Variants in NUP205 observed in about 807,000 individuals in gnomAD.
The protein encoded by NUP205 is nucleoporin 205, also known as nuclear pore complex protein Nup205.
NUP205 carries 76 observed loss-of-function variants against 253.8 expected under a neutral mutation model. That is an observed-to-expected ratio of 0.30 (90% CI 0.25 to 0.36). NUP205 has a LOEUF of 0.36. Among genes scored for constraint, NUP205 ranks in the 10% least tolerant of loss-of-function variants. NUP205 has a pLI of 1.00. For missense variants in NUP205, 2,162 were observed against 2,425.5 expected (o/e 0.89, Z 2.28); for synonymous variants, 832 against 850.1 (o/e 0.98, Z 0.37).
intron 15 of NUP205, among the ~76,000 whole-genome samples, chr7:135,599,640 G>C (rs1370314662): frequency 6.6e-6 from 1 of 152,110 alleles, no homozygotes; most frequent in Admixed American, 6.6e-5. Flanking sequence ...AGTGTTTAGA[G>C]CATTAGTTAG....
rs1379845789 is a variant in NUP205 at position 135,648,508 on chromosome 7, G to C, written c.5991G>C (p.Gln1997His). 9 of 1,603,050 alleles carry C rather than the reference G, an allele frequency of 5.6e-6. No homozygotes were observed. Among genetic ancestry groups the C allele is most frequent in the Non-Finnish European group, 7.7e-6 (9 of 1,176,354 alleles). Residue 1997 changes from glutamine (Q) to histidine (H), a missense_variant, in exon 43 of 43, where the codon CAG becomes CAC. Around this residue, in one of 5 missense-constraint regions of NUP205, gnomAD observed 1,144 missense variants for 1,280.9 expected, o/e 0.89. Coordinates refer to ENST00000285968, the MANE Select transcript of NUP205 (RefSeq NM_015135.3). ...SKVRSRYSFI[Q>H]ALVRRIRGLL... is the part of the protein sequence containing the mutation. ...TTCGATCTCGATATAGTTTCATACA[G>C]GCTCTTGTCAGACGTATCCGTGGCC...
intron 1 of NUP205, among the ~76,000 whole-genome samples, chr7:135,560,704 A>G (rs147503098): frequency 1.1e-3 from 168 of 152,344 alleles, no homozygotes; most frequent in African/African-American, 3.8e-3. Context: ...TTGAGGACAT[A>G]CTAAGTGAAA....
rs755726886 is a variant in NUP205, at chr7:135,577,980, G to A, written c.833G>A (p.Cys278Tyr). Residue 278 changes from cysteine to tyrosine, a missense_variant, in exon 6 of 43, where the codon TGT becomes TAT. By Grantham distance (194) the Cys-to-Tyr change is radical. Transcript: ENST00000285968. ...NLALLMALLY[C>Y]FDISFIEQST... ...GCTCTTCTTATGGCGCTTCTATACTGTTTTGATATCAGTTTTATAGAGCAA... is the reference window on the plus strand; with the variant it reads ...GCTCTTCTTATGGCGCTTCTATACTATTTTGATATCAGTTTTATAGAGCAA... The A allele has an allele frequency of 6.2e-7, 1 of 1,613,898 alleles. No homozygotes were observed. Among genetic ancestry groups the A allele is most frequent in the South Asian group, 1.1e-5 (1 of 91,080 alleles).
At chr7:135,611,001 CTT>C (rs753311876) in intron 22 of NUP205, among the ~76,000 whole-genome samples, 34 of 137,748 alleles carry the variant, frequency 2.5e-4, no homozygotes, top group Admixed American at 2.9e-4. Context: ...TCCTTCTCTT[CTT>C]TTTTTTTTTT....
chr7:135,614,364 C>A, intron 23 of NUP205, 91 bp downstream of exon 23: 1 of 720,198 alleles, frequency 1.4e-6, no homozygotes. Flanking sequence ...GAATTCTGTT[C>A]TCATTCTGAT....
intron 30 of NUP205, among the ~76,000 whole-genome samples, chr7:135,620,517 ACT>A (rs1358722875): frequency 6.6e-6 from 1 of 152,136 alleles, no homozygotes; most frequent in African/African-American, 2.4e-5. Context: ...CAAGAGTGAA[ACT>A]CTGTCTCAAA....
At chr7:135,595,576 G>A (rs906319877) in intron 13 of NUP205, among the ~76,000 whole-genome samples, 1 of 152,010 alleles carries the variant, frequency 6.6e-6, no homozygotes, top group Non-Finnish European at 1.5e-5. Context: ...GGTTATGAGG[G>A]TTTATTGCCA....
intron 28 of NUP205, 70 bp from the exon 29 acceptor site, chr7:135,619,353 A>G (rs1227376636): frequency 4.0e-6 from 6 of 1,492,592 alleles, no homozygotes; most frequent in Admixed American, 2.0e-5. Context: ...AAAAAAAAAA[A>G]GCTATGAAAT....
rs770332185 is a variant in NUP205 at position 135,623,007 on chromosome 7, G to A, written c.4479+82G>A. On this transcript the variant is annotated intron_variant, in intron 31 of 42. Coordinates refer to ENST00000285968, the MANE Select transcript of NUP205 (RefSeq NM_015135.3). The stretch of plus-strand genomic sequence containing the variant: ...ATAAACTGATTCACGGCTGGGTGTG[G>A]TGCCTCATGCCTGTAATCTCAGTGC... 24 of 1,413,424 alleles carry A rather than the reference G, an allele frequency of 1.7e-5. No individual in the cohort carries two copies. The East Asian group carries it at 5.5e-4, about 32-fold the overall frequency. 87.6% of individuals were successfully genotyped at this position (1,413,424 alleles called of 1,614,324 possible). A position where few individuals can be genotyped will look rare whatever the true frequency, so the allele number is the denominator to read the frequency against.
At chr7:135,621,382 T>C (rs1235176153) in intron 30 of NUP205, among the ~76,000 whole-genome samples, 1 of 152,216 alleles carries the variant, frequency 6.6e-6, no homozygotes, top group Non-Finnish European at 1.5e-5. Flanking sequence ...ATTTTTCTTT[T>C]GTGTGTGTGT....
intron 19 of NUP205, 107 bp downstream of exon 19, chr7:135,604,567 T>C (rs2129490658): frequency 6.2e-6 from 7 of 1,131,692 alleles, no homozygotes; most frequent in Non-Finnish European, 8.7e-6. Context: ...TGTGGAAAAA[T>C]TCATTAAGAG....
Position 135,617,585 on chromosome 7 carries a change from T to G in NUP205, c.3691-17T>G. On this transcript the variant is annotated splice_polypyrimidine_tract_variant and intron_variant, in intron 26 of 42. Coordinates refer to ENST00000285968, the MANE Select transcript of NUP205 (RefSeq NM_015135.3). ...GTCTGAAATGTCTTATTTTTCTTTC[T>G]TTTCCTAATTATCCAGCTTCTTCAT... 4 of 1,600,718 alleles carry G rather than the reference T, an allele frequency of 2.5e-6. No homozygotes were observed. Among genetic ancestry groups the G allele is most frequent in the Admixed American group, 1.7e-5 (1 of 59,852 alleles).
At chr7:135,603,112 C>CTTTTTTTT (rs11300648) in intron 18 of NUP205, 118 bp downstream of exon 18, 9 of 299,740 alleles carry the variant, frequency 3.0e-5, no homozygotes, top group African/African-American at 1.2e-4. Flanking sequence ...CCTCATTTTA[C>CTTTTTTTT]TTTTTTTTTT....
At chr7:135,614,507 A>G (rs1188564634) in intron 23 of NUP205, among the ~76,000 whole-genome samples, 1 of 152,228 alleles carries the variant, frequency 6.6e-6, no homozygotes, top group Non-Finnish European at 1.5e-5. Flanking sequence ...ACAACAAATA[A>G]AATTTAAAGA....
intron 30 of NUP205, among the ~76,000 whole-genome samples, chr7:135,622,082 T>C (rs1794481361): frequency 6.7e-6 from 1 of 149,966 alleles, no homozygotes; most frequent in Non-Finnish European, 1.5e-5. Flanking sequence ...GGATTACAGG[T>C]GTGAGCCACC....
intron 27 of NUP205, 25 bp downstream of exon 27, chr7:135,617,707 G>A (rs771934980): frequency 9.6e-6 from 14 of 1,459,024 alleles, no homozygotes; most frequent in African/African-American, 4.2e-5. Flanking sequence ...GTATGTGTTC[G>A]TTTCAAACTT....
In NUP205 at chr7:135,602,992, C is replaced by G; in HGVS notation, c.2700C>G (p.Ala900=). Residue 900 remains alanine (A), a splice_region_variant and synonymous_variant, in exon 18 of 43, where the codon GCC becomes GCG. Coordinates refer to ENST00000285968, the MANE Select transcript of NUP205 (RefSeq NM_015135.3). ...AGGCAGATAATGTGGTAAACATTGC[C>G]AGGTAAGTTACCTTTGTAGGTAGAG... ...TKKADNVVNI[A]RYLYHGNTNP... is the part of the protein sequence containing the mutation. 6.2e-7 allele frequency: 1 copy of G among 1,603,908 alleles called. No individual in the cohort carries two copies. Among genetic ancestry groups the G allele is most frequent in the South Asian group, 1.1e-5 (1 of 89,408 alleles).
At chr7:135,624,436 G>A (rs969147805) in intron 31 of NUP205, among the ~76,000 whole-genome samples, 1 of 152,176 alleles carries the variant, frequency 6.6e-6, no homozygotes, top group African/African-American at 2.4e-5. Context: ...GAGTGCAGTG[G>A]CACGATCTCG....
chr7:135,575,248 T>C (rs1322172716), intron 3 of NUP205, among the ~76,000 whole-genome samples: 1 of 152,180 alleles, frequency 6.6e-6, no homozygotes, highest in African/African-American at 2.4e-5. Flanking sequence ...ACCTTGATTG[T>C]ACAGAGAACT....
Sources: allele counts gnomAD v4.1 joint callset (sites outside exome capture counted in the v4.1 genomes callset), GRCh38; gene constraint gnomAD v4.1.1; regional missense constraint gnomAD v4.1.1; transcripts MANE v1.5; gene names NCBI Gene and HGNC (gene_info 2026-07-23, HGNC 2026-07-21).